LRP1: variants seen among roughly 807,000 people sequenced by gnomAD.
LRP1 encodes the protein LDL receptor related protein 1.
LRP1 carries 51 observed loss-of-function variants against 541.5 expected under a neutral mutation model. The ratio of observed to expected loss-of-function variants is 0.09; its 90% CI spans 0.08 to 0.12. The LOEUF is 0.12. Among genes scored for constraint, LRP1 ranks in the 10% least tolerant of loss-of-function variants. LRP1 has a pLI of 1.00. For missense variants in LRP1, 3,878 were observed against 6,376.2 expected (o/e 0.61, Z 13.34); for synonymous variants, 2,219 against 2,470.8 (o/e 0.90, Z 3.02).
chr12:57,190,514 C>CT (rs1180428309), intron 42 of LRP1, among the ~76,000 whole-genome samples: 2 of 152,240 alleles, frequency 1.3e-5, no homozygotes, highest in Admixed American at 1.3e-4. Flanking sequence ...GCCTGTCTCA[C>CT]TTGGCTGCAC....
intron 13 of LRP1, among the ~76,000 whole-genome samples, chr12:57,161,471 G>C (rs2035732435): frequency 6.6e-6 from 1 of 152,126 alleles, no homozygotes; most frequent in African/African-American, 2.4e-5. Flanking sequence ...TGCACTCTCT[G>C]CAAGTGTGAG....
intron 22 of LRP1, among the ~76,000 whole-genome samples, chr12:57,174,302 G>A (rs143482921): frequency 4.1e-4 from 62 of 152,354 alleles, no homozygotes; most frequent in African/African-American, 1.4e-3. Context: ...AGGTAGTACA[G>A]CTCCTAAACT....
In LRP1 at chr12:57,177,260, C is replaced by T. The variant is rs759610501; in HGVS notation, c.4196+15C>T. ...CCCCGGGATGGGTGAGGACCTTGCC[C>T]AGCCTTCTCCTGGCCCCATGGCCCC... On this transcript the variant is annotated intron_variant, in intron 25 of 88. Coordinates refer to ENST00000243077, the MANE Select transcript of LRP1 (RefSeq NM_002332.3). The surrounding 1 kb of genome is among the most constrained non-coding windows in gnomAD (Gnocchi z 6.8). 1.2e-6 allele frequency: 2 copies of T among 1,611,544 alleles called. No homozygotes were observed. Among genetic ancestry groups the T allele is most frequent in the Non-Finnish European group, 1.7e-6 (2 of 1,178,020 alleles).
Position 57,179,525 on chromosome 12 carries a change from C to T in LRP1, c.4935C>T (p.Asn1645=), listed in dbSNP as rs375652681. ...RTQAIKRAFI[N]GTGVETVVSA... Reference sequence around the variant, plus strand: ...AGGCCATCAAGCGGGCCTTCATCAACGGCACAGGCGTGGAGACAGTCGTCT... The same window carrying T: ...AGGCCATCAAGCGGGCCTTCATCAATGGCACAGGCGTGGAGACAGTCGTCT... Residue 1645 remains asparagine, a synonymous_variant, in exon 29 of 89, where the codon AAC becomes AAT. Transcript: ENST00000243077. The surrounding 1 kb of genome is among the most constrained non-coding windows in gnomAD (Gnocchi z 6.8). The T allele has an allele frequency of 8.5e-5, 138 of 1,614,150 alleles. 1 individual carries two copies. The South Asian group carries it at 8.9e-4, about 10-fold the overall frequency.
intron 63 of LRP1, 45 bp from the exon 64 acceptor site, chr12:57,200,654 G>A (rs530881371): frequency 2.8e-5 from 44 of 1,564,604 alleles, no homozygotes; most frequent in Admixed American, 3.3e-5. Context: ...GGACCTGGCC[G>A]TGTCCACCCC....
Position 57,179,735 on chromosome 12 carries a change from A to G in LRP1, c.4967-47A>G. On this transcript the variant is annotated intron_variant, in intron 29 of 88. Transcript: ENST00000243077. This position sits in a 1 kb window ranked among gnomAD's most constrained non-coding sequence, Gnocchi z 6.8. ...GGCACACTGGCTCCCCTCCTGACCCACTGCCCTGCAGACACCCAACAACTG... is the reference window on the plus strand; with the variant it reads ...GGCACACTGGCTCCCCTCCTGACCCGCTGCCCTGCAGACACCCAACAACTG... The G allele has an allele frequency of 6.3e-7, 1 of 1,579,606 alleles. No individual in the cohort carries two copies.
Position 57,200,791 on chromosome 12 carries a change from G to A in LRP1, c.10201G>A (p.Asp3401Asn). ...CTGCGATGGCGACAATGACTGCCAG[G>A]ACAACAGTGACGAGGCCAACTGTGG... ...FICDGDNDCQ[D>N]NSDEANCDIH... Residue 3401 changes from aspartate to asparagine, a missense_variant, in exon 64 of 89, where the codon GAC becomes AAC. Around this residue, in one of 13 missense-constraint regions of LRP1, gnomAD observed 278 missense variants for 536.3 expected, o/e 0.52. Coordinates refer to ENST00000243077, the MANE Select transcript of LRP1 (RefSeq NM_002332.3). 2 of 1,613,820 alleles carry A rather than the reference G, an allele frequency of 1.2e-6. No individual in the cohort carries two copies. Among genetic ancestry groups the A allele is most frequent in the Non-Finnish European group, 1.7e-6 (2 of 1,180,032 alleles).
At position 57,201,557 on chromosome 12, in the gene LRP1, G is replaced by C. The variant is rs753941750; in HGVS notation, c.10406G>C (p.Arg3469Pro). 1 of 1,614,006 alleles carries C rather than the reference G, an allele frequency of 6.2e-7. No homozygotes were observed. Among genetic ancestry groups the C allele is most frequent in the Non-Finnish European group, 8.5e-7 (1 of 1,180,004 alleles). ...QCSITKRCIP[R>P]VWVCDRDNDC... ...TCCATTACCAAACGGTGCATCCCCC[G>C]GGTCTGGGTCTGCGACCGGGACAAT... is the stretch of plus-strand genomic sequence containing the variant. The change falls in exon 66 of 89, where the codon CGG (arginine) becomes CCG (proline). Residue 3469 changes from arginine (R) to proline (P), a missense_variant. Arg to Pro is a moderately radical substitution (Grantham distance 103). Transcript: ENST00000243077. The surrounding 1 kb of genome is among the most constrained non-coding windows in gnomAD (Gnocchi z 6.4).
chr12:57,211,477 C>T lies in LRP1; in HGVS notation c.13092-10C>T. 8 of 1,613,492 alleles carry T rather than the reference C, an allele frequency of 5.0e-6. No homozygotes were observed. The highest frequency in any genetic ancestry group is 6.8e-6 in the Non-Finnish European group (8 of 1,179,922). On this transcript the variant is annotated splice_polypyrimidine_tract_variant and intron_variant, in intron 84 of 88. Transcript: ENST00000243077. This position sits in a 1 kb window ranked among gnomAD's most constrained non-coding sequence, Gnocchi z 4.3. ...CAGCCCCAGCCCCAGCCTCTGATTC[C>T]TTCCTGCAGCTGCACGGATGGCCGG...
chr12:57,149,633 C>G (rs760721885), intron 6 of LRP1: 1 of 710,662 alleles, frequency 1.4e-6, no homozygotes, highest in African/African-American at 1.7e-5. Context: ...GGGACCTAAG[C>G]CAGGCAGGGG....
At position 57,209,190 on chromosome 12, in the gene LRP1, A is replaced by G. The variant is rs775535257; in HGVS notation, c.12253A>G (p.Ser4085Gly). ...NGTDPIVAAD[S>G]KRGLSHPFSI... Reference sequence around the variant, plus strand: ...CACGGACCCCATTGTGGCTGCTGACAGCAAACGAGGTCAGAGCCCGGCATA... The same window carrying G: ...CACGGACCCCATTGTGGCTGCTGACGGCAAACGAGGTCAGAGCCCGGCATA... Residue 4085 changes from serine (S) to glycine (G), a missense_variant, in exon 79 of 89, where the codon AGC (serine) becomes GGC (glycine). This residue lies in a region of LRP1 where 871 missense variants were observed against 1,212.4 expected (regional missense o/e 0.72). Transcript: ENST00000243077. 6.2e-7 allele frequency: 1 copy of G among 1,613,676 alleles called. No individual in the cohort carries two copies. The highest frequency in any genetic ancestry group is 1.1e-5 in the South Asian group (1 of 91,070).
At chr12:57,148,495 T>A (rs991043251) in intron 6 of LRP1, among the ~76,000 whole-genome samples, 1 of 152,088 alleles carries the variant, frequency 6.6e-6, no homozygotes, top group East Asian at 1.9e-4. Flanking sequence ...ATGGAGCCTG[T>A]AACCCAGCTT....
At chr12:57,130,292 A>G (rs1592595329) in intron 1 of LRP1, among the ~76,000 whole-genome samples, 1 of 152,198 alleles carries the variant, frequency 6.6e-6, no homozygotes, top group East Asian at 1.9e-4. Flanking sequence ...CTGAAACCAG[A>G]TTATCTCCCT....
In LRP1 at chr12:57,185,151, G is replaced by A. The variant is rs746255785; in HGVS notation, c.6409G>A (p.Gly2137Ser). 9.9e-6 allele frequency: 16 copies of A among 1,614,012 alleles called. No individual in the cohort carries two copies. Among genetic ancestry groups the A allele is most frequent in the African/African-American group, 6.7e-5 (5 of 74,888 alleles). ...CACAGACTCCGTGCCCCTGCGAACCGGCATCGGCGTCCAGCTTAAAGACAT... is the reference window on the plus strand; with the variant it reads ...CACAGACTCCGTGCCCCTGCGAACCAGCATCGGCGTCCAGCTTAAAGACAT... The part of the protein sequence containing the change: ...NATDSVPLRT[G>S]IGVQLKDIKV... The change falls in exon 40 of 89, where the codon GGC becomes AGC. Residue 2137 changes from glycine to serine, a missense_variant. By Grantham distance (56) the Gly-to-Ser change is moderately conservative. Transcript: ENST00000243077. This position sits in a 1 kb window ranked among gnomAD's most constrained non-coding sequence, Gnocchi z 4.9.
At position 57,162,312 on chromosome 12, in the gene LRP1, C is replaced by G. The variant is rs1396215458; in HGVS notation, c.2203-5C>G. ...ACTCCTTAGTAACATCCTCTCCATC[C>G]CTAGATTGTGTATGAAGGTCCTGAG... On this transcript the variant is annotated splice_polypyrimidine_tract_variant and splice_region_variant and intron_variant, in intron 13 of 88. Transcript: ENST00000243077. This position sits in a 1 kb window ranked among gnomAD's most constrained non-coding sequence, Gnocchi z 5.2. The G allele has an allele frequency of 6.2e-7, 1 of 1,613,542 alleles. No individual in the cohort carries two copies. Among genetic ancestry groups the G allele is most frequent in the Non-Finnish European group, 8.5e-7 (1 of 1,179,482 alleles).
In LRP1 at chr12:57,212,231, G is replaced by A. The variant is rs767865866; in HGVS notation, c.13464G>A (p.Leu4488=). The part of the protein sequence containing the change: ...GGEPDDVGGL[L]DADFALDPDK... ...AGCCTGATGATGTGGGAGGCCTACT[G>A]GACGCTGACTTTGCCCTGGACCCTG... The change falls in exon 88 of 89, where the codon CTG becomes CTA. Residue 4488 remains leucine (L), a synonymous_variant. Coordinates refer to ENST00000243077, the MANE Select transcript of LRP1 (RefSeq NM_002332.3). The surrounding 1 kb of genome is among the most constrained non-coding windows in gnomAD (Gnocchi z 5.0). The A allele has an allele frequency of 1.4e-5, 23 of 1,613,830 alleles. No individual in the cohort carries two copies. The highest frequency in any genetic ancestry group is 1.9e-5 in the Non-Finnish European group (22 of 1,179,976).
At position 57,196,009 on chromosome 12, in the gene LRP1, C is replaced by T. The variant is rs1399105237; in HGVS notation, c.8701+6C>T. The T allele has an allele frequency of 6.2e-7, 1 of 1,611,804 alleles. No individual in the cohort carries two copies. Among genetic ancestry groups the T allele is most frequent in the African/African-American group, 1.3e-5 (1 of 74,910 alleles). ...CCCACACTGCACCAGCCAAGGTGGG[C>T]CCCAGACCTGGCTCCCCTCTGCCCC... On this transcript the variant is annotated splice_donor_region_variant and intron_variant, in intron 54 of 88. Coordinates refer to ENST00000243077, the MANE Select transcript of LRP1 (RefSeq NM_002332.3).
At position 57,158,686 on chromosome 12, in the gene LRP1, G is replaced by T. The variant is rs1170686637; in HGVS notation, c.1798+48G>T. The T allele has an allele frequency of 6.4e-7, 1 of 1,556,308 alleles. No individual in the cohort carries two copies. On this transcript the variant is annotated intron_variant, in intron 11 of 88. Transcript: ENST00000243077. This position sits in a 1 kb window ranked among gnomAD's most constrained non-coding sequence, Gnocchi z 5.3. ...CCCATGGGGATGGAAGGGGGCTGGG[G>T]CCCAGGCATCTGTTTCTCGGTGCCC...
chr12:57,194,639 A>G lies in LRP1; in HGVS notation c.8131A>G (p.Met2711Val), dbSNP rs190096470. The change falls in exon 50 of 89, where the codon ATG (methionine) becomes GTG (valine). Residue 2711 changes from methionine to valine, a missense_variant. Physicochemically the swap from Met to Val is conservative, Grantham distance 21. Coordinates refer to ENST00000243077, the MANE Select transcript of LRP1 (RefSeq NM_002332.3). ...FACPSGRCIPMSWTCDKEDDC... is the reference protein window; with the variant it reads ...FACPSGRCIPVSWTCDKEDDC... ...CTGCCCTAGTGGGCGCTGCATCCCC[A>G]TGAGCTGGACGTGTGACAAAGAGGA... 5.7e-5 allele frequency: 92 copies of G among 1,607,060 alleles called. No homozygotes were observed. The East Asian group carries it at 2.1e-3, about 36-fold the overall frequency.
Sources: gnomAD v4.1 joint callset for allele counts (sites outside exome capture counted in the v4.1 genomes callset) on GRCh38, gnomAD v4.1.1 for gene constraint, gnomAD v4.1.1 regional missense constraint, Gnocchi (gnomAD v3.1) non-coding constraint, MANE v1.5 for transcripts, NCBI Gene and HGNC (gene_info 2026-07-23, HGNC 2026-07-21) for gene names.